ITSN2: variants seen among roughly 807,000 people sequenced by gnomAD.
ITSN2 encodes the protein intersectin 2.
In ITSN2, 156 loss-of-function variants were observed where a neutral mutation model predicts 243.7. The observed-to-expected ratio is 0.64, with a 90% CI of 0.56 to 0.73. ITSN2 has a LOEUF of 0.73. Among genes scored for constraint, ITSN2 ranks in the 30% least tolerant of loss-of-function variants. ITSN2 has a pLI of 0.00. For missense variants in ITSN2, 1,801 were observed against 1,996.1 expected (o/e 0.90, Z 1.86); for synonymous variants, 703 against 699.9 (o/e 1.00, Z -0.07).
At chr2:24,333,286 A>G (rs1226818958) in intron 1 of ITSN2, among the ~76,000 whole-genome samples, 1 of 152,244 alleles carries the variant, frequency 6.6e-6, no homozygotes, top group Non-Finnish European at 1.5e-5. Context: ...AAAACAAGCC[A>G]GAGATGACTC....
chr2:24,231,307 T>A (rs370401772), intron 29 of ITSN2, among the ~76,000 whole-genome samples: 1 of 152,312 alleles, frequency 6.6e-6, no homozygotes, highest in South Asian at 2.1e-4. Flanking sequence ...ACATCCCCAG[T>A]GTCTGACACA....
At chr2:24,339,891 G>A (rs1025370222) in intron 1 of ITSN2, among the ~76,000 whole-genome samples, 5 of 152,070 alleles carry the variant, frequency 3.3e-5, no homozygotes. Context: ...GTTGGGCATG[G>A]TGGCACACAC....
At chr2:24,352,481 A>C (rs1688110087) in intron 1 of ITSN2, among the ~76,000 whole-genome samples, 2 of 152,210 alleles carry the variant, frequency 1.3e-5, no homozygotes, top group Admixed American at 1.3e-4. Context: ...TATCATTTCT[A>C]TCTAGAGGCT....
chr2:24,258,278 T>C (rs978494074), intron 22 of ITSN2, among the ~76,000 whole-genome samples, 185 bp from the exon 23 acceptor site: 2 of 152,248 alleles, frequency 1.3e-5, no homozygotes, highest in East Asian at 3.8e-4. Context: ...ACTAGCCTTC[T>C]GTTAAGACAG....
At chr2:24,212,074 C>G (rs755875351) in intron 33 of ITSN2, among the ~76,000 whole-genome samples, 3 of 152,182 alleles carry the variant, frequency 2.0e-5, no homozygotes, top group Non-Finnish European at 4.4e-5. Flanking sequence ...TAAAGTCTGC[C>G]TTTTCCTTAG....
At chr2:24,360,015 G>A (rs914896897) in intron 1 of ITSN2, among the ~76,000 whole-genome samples, 2 of 152,010 alleles carry the variant, frequency 1.3e-5, no homozygotes, top group Non-Finnish European at 2.9e-5. Flanking sequence ...ACGAGGCCGC[G>A]GCCAGGGACC....
intron 29 of ITSN2, chr2:24,238,921 C>A (rs1200998933): frequency 6.6e-6 from 1 of 152,100 alleles, no homozygotes; most frequent in African/African-American, 2.4e-5. Context: ...AAGAAATACA[C>A]AATACAACTA....
intron 8 of ITSN2, among the ~76,000 whole-genome samples, chr2:24,305,625 T>G (rs1021275571): frequency 2.0e-5 from 3 of 150,620 alleles, no homozygotes; most frequent in African/African-American, 7.3e-5. Flanking sequence ...CTACACTTAT[T>G]GAACAAAACA....
chr2:24,282,437 T>A (rs1006032943), intron 17 of ITSN2, among the ~76,000 whole-genome samples: 6 of 152,188 alleles, frequency 3.9e-5, no homozygotes, highest in Admixed American at 1.3e-4. Context: ...TTGCATTCAT[T>A]CTCCAAGCCC....
At position 24,325,613 on chromosome 2, in the gene ITSN2, G is replaced by A. The variant is rs111679314; in HGVS notation, c.31+2439C>T. 2.7e-3 allele frequency among the ~76,000 whole-genome samples: 407 copies of A among 152,208 alleles called. 2 individuals carry two copies. Among genetic ancestry groups the A allele is most frequent in the African/African-American group, 9.4e-3 (391 of 41,510 alleles). On this transcript the variant is annotated intron_variant, in intron 2 of 39. Coordinates refer to ENST00000355123, the MANE Select transcript of ITSN2 (RefSeq NM_006277.3). ...ATTTATCTGTAAGCCTTATCGAAGAGGCAGAAAAATCTAAGTTTAGGGGTT... is the reference window on the plus strand; with the variant it reads ...ATTTATCTGTAAGCCTTATCGAAGAAGCAGAAAAATCTAAGTTTAGGGGTT...
At position 24,203,523 on chromosome 2, in the gene ITSN2, G is replaced by A. The variant is rs576617123; in HGVS notation, c.*103C>T. On this transcript the variant is annotated 3_prime_UTR_variant, in exon 40 of 40. Coordinates refer to ENST00000355123, the MANE Select transcript of ITSN2 (RefSeq NM_006277.3). Reference sequence around the variant, plus strand: ...CCCCCAGCGTGCATGGCTTTGTGAGGGGTGAAGCTGCATGGTGCTCCCTCA... The same window carrying A: ...CCCCCAGCGTGCATGGCTTTGTGAGAGGTGAAGCTGCATGGTGCTCCCTCA... 12 of 1,169,510 alleles carry A rather than the reference G, an allele frequency of 1.0e-5. No individual in the cohort carries two copies. The African/African-American group carries it at 1.7e-4, about 17-fold the overall frequency. The allele number at this position is 1,169,510 out of a possible 1,614,324, so 72.4% of individuals were successfully genotyped here.
At chr2:24,212,139 A>T (rs1339175449) in intron 33 of ITSN2, among the ~76,000 whole-genome samples, 3 of 152,188 alleles carry the variant, frequency 2.0e-5, no homozygotes, top group Non-Finnish European at 4.4e-5. Flanking sequence ...AGCTGGAAGG[A>T]ATTTTAGAAG....
At chr2:24,345,555 T>C (rs1424471032) in intron 1 of ITSN2, among the ~76,000 whole-genome samples, 2 of 152,146 alleles carry the variant, frequency 1.3e-5, no homozygotes, top group African/African-American at 4.8e-5. Flanking sequence ...TAGATCAAAA[T>C]TTATTTTTTA....
At chr2:24,257,724 T>TG (rs951200050) in intron 23 of ITSN2, among the ~76,000 whole-genome samples, 164 bp downstream of exon 23, 29 of 152,300 alleles carry the variant, frequency 1.9e-4, no homozygotes, top group African/African-American at 7.0e-4. Flanking sequence ...CCCAAAATGC[T>TG]GGGATTACAG....
At chr2:24,330,797 C>T (rs899829749) in intron 1 of ITSN2, 13 of 406,078 alleles carry the variant, frequency 3.2e-5, no homozygotes, top group Admixed American at 1.3e-4. Context: ...GATGAATTCT[C>T]GCTCTATCGC....
intron 38 of ITSN2, 60 bp downstream of exon 38, chr2:24,205,154 C>A: frequency 1.4e-6 from 2 of 1,434,234 alleles, no homozygotes; most frequent in South Asian, 2.3e-5. Flanking sequence ...CTCAAAAAGT[C>A]ATCAGCAAAA....
chr2:24,348,938 T>C (rs766267861), intron 1 of ITSN2, among the ~76,000 whole-genome samples: 3 of 152,178 alleles, frequency 2.0e-5, no homozygotes, highest in Non-Finnish European at 4.4e-5. Flanking sequence ...GAATATAATA[T>C]CAAAAGAATC....
At chr2:24,243,570 C>A (rs1276600894) in intron 29 of ITSN2, among the ~76,000 whole-genome samples, 1 of 152,164 alleles carries the variant, frequency 6.6e-6, no homozygotes, top group Non-Finnish European at 1.5e-5. Context: ...TGGCTCACTG[C>A]AGCCTCCCAC....
chr2:24,210,834 G>A lies in ITSN2; in HGVS notation c.4203C>T (p.Asn1401=). The part of the protein sequence containing the change: ...QVNEGVREKE[N]SDRLEWIQAH... ...CCTGGATCCACTCCAGTCGGTCCGA[G>A]TTTTCCTTCTCCCGAACTCCCTCAT... Residue 1401 remains asparagine, a synonymous_variant, in exon 34 of 40, where the codon AAC becomes AAT. Coordinates refer to ENST00000355123, the MANE Select transcript of ITSN2 (RefSeq NM_006277.3). The A allele has an allele frequency of 6.2e-7, 1 of 1,614,102 alleles. No homozygotes were observed. The highest frequency in any genetic ancestry group is 8.5e-7 in the Non-Finnish European group (1 of 1,180,026).
Sources: gnomAD v4.1 joint callset for allele counts (sites outside exome capture counted in the v4.1 genomes callset) on GRCh38, gnomAD v4.1.1 for gene constraint, MANE v1.5 for transcripts, NCBI Gene and HGNC (gene_info 2026-07-23, HGNC 2026-07-21) for gene names.